MRTFA: variants seen among roughly 807,000 people sequenced by gnomAD.
MRTFA encodes myocardin-related transcription factor A.
In MRTFA, 20 loss-of-function variants were observed where a neutral mutation model predicts 83.5. That is an observed-to-expected ratio of 0.24 (90% CI 0.17 to 0.35). MRTFA has a LOEUF of 0.35. Ranked by LOEUF, MRTFA falls within the 10% of genes least tolerant of loss-of-function variation. The pLI is 1.00. For missense variants in MRTFA, 1,200 were observed against 1,224.7 expected (o/e 0.98, Z 0.30); for synonymous variants, 659 against 541.2 (o/e 1.22, Z -3.02).
intron 1 of MRTFA, among the ~76,000 whole-genome samples, chr22:40,604,654 G>C (rs1198863248): frequency 6.6e-6 from 1 of 151,982 alleles, no homozygotes; most frequent in Non-Finnish European, 1.5e-5. Context: ...GGCTGAGGCA[G>C]GAGAATCGCT....
chr22:40,474,891 T>TGC (rs1366259249), intron 3 of MRTFA, among the ~76,000 whole-genome samples: 1 of 152,102 alleles, frequency 6.6e-6, no homozygotes, highest in African/African-American at 2.4e-5. Context: ...CAGGCTGGAG[T>TGC]GCAGTGGCAT....
rs537873140 is a variant in MRTFA at position 40,448,038 on chromosome 22, G to A, written c.308-12484C>T. On this transcript the variant is annotated intron_variant, in intron 4 of 14. Transcript: ENST00000355630. ...ACAAAAAAATTAGCTGGGGCTGGGC[G>A]TGGTGGCTCACGCCTGTAATCCCAA... Among the ~76,000 whole-genome samples, 20 of 152,324 alleles carry A rather than the reference G, an allele frequency of 1.3e-4. 1 individual carries two copies. The highest frequency in any genetic ancestry group is 3.9e-4 in the East Asian group (2 of 5,190).
chr22:40,635,100 G>A (rs760361123), intron 1 of MRTFA, among the ~76,000 whole-genome samples: 1 of 152,092 alleles, frequency 6.6e-6, no homozygotes, highest in East Asian at 1.9e-4. Flanking sequence ...ATTTCAATAA[G>A]AAACAGTAAC....
chr22:40,446,105 T>C (rs1950422907), intron 4 of MRTFA, among the ~76,000 whole-genome samples: 2 of 152,332 alleles, frequency 1.3e-5, no homozygotes, highest in Non-Finnish European at 1.5e-5. Flanking sequence ...TAACCAGTGA[T>C]GGTGCTAAAA....
chr22:40,464,570 G>A (rs1421671595), intron 3 of MRTFA, among the ~76,000 whole-genome samples: 1 of 151,738 alleles, frequency 6.6e-6, no homozygotes, highest in African/African-American at 2.4e-5. Flanking sequence ...AGGATCCCAC[G>A]GGCCAAGGAA....
chr22:40,466,533 T>C (rs2053814814), intron 3 of MRTFA, among the ~76,000 whole-genome samples: 1 of 152,142 alleles, frequency 6.6e-6, no homozygotes. Flanking sequence ...CCAAGCAGGA[T>C]AAAATCTAAG....
chr22:40,522,039 C>T (rs1318361911), intron 3 of MRTFA: 3 of 152,084 alleles, frequency 2.0e-5, no homozygotes, highest in Non-Finnish European at 4.4e-5. Flanking sequence ...TTAGTAGAGA[C>T]GGGGTTTCAC....
chr22:40,462,309 C>T (rs2053729084), intron 4 of MRTFA, among the ~76,000 whole-genome samples: 1 of 152,128 alleles, frequency 6.6e-6, no homozygotes, highest in African/African-American at 2.4e-5. Flanking sequence ...TCAACTATCA[C>T]ATATTAGGTA....
chr22:40,520,069 G>C (rs896519348), intron 3 of MRTFA, among the ~76,000 whole-genome samples: 1 of 152,094 alleles, frequency 6.6e-6, no homozygotes, highest in Admixed American at 6.5e-5. Flanking sequence ...TTCATCCCTA[G>C]GGTTTTCTTG....
chr22:40,431,284 G>T, intron 6 of MRTFA, 121 bp downstream of exon 6: 1 of 918,116 alleles, frequency 1.1e-6, no homozygotes, highest in Non-Finnish European at 1.8e-6. Context: ...TTAAGGCTCT[G>T]GCTTACCCAC....
At chr22:40,570,532 C>T (rs1042379050) in intron 2 of MRTFA, among the ~76,000 whole-genome samples, 3 of 128,076 alleles carry the variant, frequency 2.3e-5, no homozygotes, top group Non-Finnish European at 3.1e-5. Context: ...GAGCTGGGAT[C>T]GTGCCACTGC....
chr22:40,443,073 A>T (rs1299580034), intron 4 of MRTFA, among the ~76,000 whole-genome samples: 1 of 152,044 alleles, frequency 6.6e-6, no homozygotes, highest in African/African-American at 2.4e-5. Context: ...CCAACATGGC[A>T]AAACCCCGTC....
intron 4 of MRTFA, among the ~76,000 whole-genome samples, chr22:40,437,634 G>A (rs1370888650): frequency 6.6e-6 from 1 of 151,970 alleles, no homozygotes; most frequent in Non-Finnish European, 1.5e-5. Flanking sequence ...ATGGTAGAGG[G>A]TGCCTGTAAT....
intron 3 of MRTFA, among the ~76,000 whole-genome samples, chr22:40,537,042 G>C (rs1275815819): frequency 1.3e-4 from 3 of 22,736 alleles, no homozygotes; most frequent in Non-Finnish European, 2.5e-4. Context: ...CGCCCGGCCA[G>C]CCGCCCCGTC....
In MRTFA at chr22:40,419,088, C is replaced by CGTG. The variant is rs781052342; in HGVS notation, c.1647_1649dup (p.Thr550dup). 6.3e-7 allele frequency: 1 copy of CGTG among 1,599,876 alleles called. No homozygotes were observed. On this transcript the variant is annotated inframe_insertion, in exon 12 of 15. Transcript: ENST00000355630. ...CCGAGGGGGTGGGAGACACGGGGGG[C>CGTG]GTGGAGCCCGTGCTGCCAAACTTCA... is the stretch of plus-strand genomic sequence containing the variant.
chr22:40,549,951 A>C (rs1675686395), intron 3 of MRTFA, among the ~76,000 whole-genome samples: 1 of 151,260 alleles, frequency 6.6e-6, no homozygotes, highest in African/African-American at 2.4e-5. Context: ...CGGGTGGCTG[A>C]GGCAAGAGAA....
intron 9 of MRTFA, 23 bp from the exon 10 acceptor site, chr22:40,421,123 G>A (rs1390462079): frequency 7.3e-6 from 11 of 1,510,254 alleles, no homozygotes; most frequent in Non-Finnish European, 9.7e-6. Context: ...GAGACAGGGT[G>A]CCATTCAGGG....
intron 3 of MRTFA, among the ~76,000 whole-genome samples, chr22:40,507,029 G>A (rs1396301709): frequency 6.6e-6 from 1 of 152,146 alleles, no homozygotes; most frequent in Non-Finnish European, 1.5e-5. Context: ...CTTGTTAAAA[G>A]CTGCTATGCC....
At chr22:40,570,577 CAAAAAAAAAAA>C (rs894548892) in intron 2 of MRTFA, among the ~76,000 whole-genome samples, 42 of 23,152 alleles carry the variant, frequency 1.8e-3, no homozygotes, top group African/African-American at 2.8e-3. Flanking sequence ...GACTCTGTCT[CAAAAAAAAAAA>C]AAAAAAAAAA....
Sources: gnomAD v4.1 joint callset for allele counts (sites outside exome capture counted in the v4.1 genomes callset) on GRCh38, gnomAD v4.1.1 for gene constraint, MANE v1.5 for transcripts, NCBI Gene and HGNC (gene_info 2026-07-23, HGNC 2026-07-21) for gene names.